SMIM22: variants seen among roughly 807,000 people sequenced by gnomAD.
SMIM22 encodes cancer associated small integral membrane open reading frame 1.
In SMIM22, 16 loss-of-function variants were observed where a neutral mutation model predicts 8.4. The ratio of observed to expected loss-of-function variants is 1.90; its 90% CI spans 1.29 to 2.89. The LOEUF (loss-of-function observed/expected upper bound fraction) is 2.89, where lower values mean the gene tolerates loss of function less well. SMIM22 is among the 30% of genes most tolerant of loss of function. The probability of loss-of-function intolerance (pLI) is 0.00; values close to 1 mark genes in which losing one functional copy is unlikely to be tolerated. For synonymous variants in SMIM22, 67 were observed against 47.6 expected (o/e 1.41, Z -1.68); for missense variants, 159 against 107.5 (o/e 1.48, Z -2.12).
At chr16:4,788,764 C>G (rs1259391529) in exon 2 of SMIM22, 2 of 152,222 alleles carry the variant, frequency 1.3e-5, no homozygotes, top group African/African-American at 2.4e-5. Flanking sequence ...ATAATCAAGC[C>G]CTGTGAAGTA....
chr16:4,793,975 A>G (rs1469601945), upstream of SMIM22, among the ~76,000 whole-genome samples: 1 of 151,890 alleles, frequency 6.6e-6, no homozygotes, highest in Non-Finnish European at 1.5e-5. Context: ...TTGCTCTGTC[A>G]CCCAGGCGGG....
chr16:4,794,700 G>A (rs370112202), upstream of SMIM22, among the ~76,000 whole-genome samples: 9 of 152,174 alleles, frequency 5.9e-5, no homozygotes, highest in South Asian at 8.3e-4. Flanking sequence ...GATTACAGGC[G>A]TGAGCCACTG....
rs1401061193 is a variant in SMIM22, at chr16:4,795,715, G to C, written c.-20G>C. 1.3e-6 allele frequency: 2 copies of C among 1,534,664 alleles called. No homozygotes were observed. The highest frequency in any genetic ancestry group is 8.7e-7 in the Non-Finnish European group (1 of 1,146,512). ...TGCAGCCTCTGGGGGACCGGGGCAG[G>C]TGGCACGGTGCACGCCAAGATGGCT... On this transcript the variant is annotated splice_region_variant and 5_prime_UTR_variant, in exon 2 of 4. Transcript: ENST00000586005.
upstream of SMIM22, among the ~76,000 whole-genome samples, chr16:4,791,165 G>A (rs1369131678): frequency 2.0e-5 from 3 of 152,234 alleles, no homozygotes; most frequent in African/African-American, 4.8e-5. Context: ...TCTGAAAATC[G>A]TGGCGGTGAG....
chr16:4,796,033 G>A lies in SMIM22; in HGVS notation c.210G>A (p.Lys70=), dbSNP rs1398009446. ...GGCCCCGCAGGGAAAGCCCCAGGAA[G>A]GTGAGCCCCTGGAAGGTGAGCCCTG... ...SPGPRRESPR[K]VSPWKERPKG... The change falls in exon 3 of 4, where the codon AAG becomes AAA. Residue 70 remains lysine (K), a synonymous_variant. Coordinates refer to ENST00000586005, the MANE Select transcript of SMIM22 (RefSeq NM_001253794.2). 8 of 1,527,566 alleles carry A rather than the reference G, an allele frequency of 5.2e-6. No homozygotes were observed. Among genetic ancestry groups the A allele is most frequent in the Non-Finnish European group, 4.4e-6 (5 of 1,141,734 alleles). The allele number at this position is 1,527,566 out of a possible 1,614,324, so 94.6% of individuals were successfully genotyped here.
chr16:4,795,872 T>C lies in SMIM22; in HGVS notation c.124+14T>C, dbSNP rs1324640160. ...TCACCTTCATGGGTAAGTGTGGCTGTGGCCTCTGGGTCCTCCCAGCCCCCT... is the reference window on the plus strand; with the variant it reads ...TCACCTTCATGGGTAAGTGTGGCTGCGGCCTCTGGGTCCTCCCAGCCCCCT... On this transcript the variant is annotated intron_variant, in intron 2 of 3. Transcript: ENST00000586005. 3 of 1,535,424 alleles carry C rather than the reference T, an allele frequency of 2.0e-6. No individual in the cohort carries two copies. Among genetic ancestry groups the C allele is most frequent in the Non-Finnish European group, 2.6e-6 (3 of 1,146,580 alleles).
chr16:4,790,096 T>C (rs1008532164), intron 2 of SMIM22: 1 of 151,906 alleles, frequency 6.6e-6, no homozygotes, highest in Admixed American at 6.6e-5. Flanking sequence ...TTACTTTTTG[T>C]AGAGATGAGG....
intron 2 of SMIM22, among the ~76,000 whole-genome samples, chr16:4,789,485 C>T (rs1281376553): frequency 3.9e-5 from 6 of 151,952 alleles, no homozygotes; most frequent in African/African-American, 1.5e-4. Context: ...GCCACCACGC[C>T]CGGCTAATTT....
At chr16:4,792,218 T>C (rs1011270851), upstream of SMIM22, among the ~76,000 whole-genome samples, 8 of 150,586 alleles carry the variant, frequency 5.3e-5, no homozygotes, top group Admixed American at 6.6e-5. Context: ...TGAGACAGAG[T>C]CTCGCTCTGT....
chr16:4,791,461 T>C (rs1024998210), upstream of SMIM22, among the ~76,000 whole-genome samples: 19 of 152,108 alleles, frequency 1.2e-4, no homozygotes, highest in African/African-American at 4.6e-4. Flanking sequence ...GTTCATTTCA[T>C]CCTCACGACA....
upstream of SMIM22, among the ~76,000 whole-genome samples, chr16:4,793,003 G>C (rs1359018193): frequency 1.3e-5 from 2 of 151,380 alleles, no homozygotes; most frequent in African/African-American, 4.9e-5. Context: ...CAGCTACTCA[G>C]GAGGCTGAGG....
At chr16:4,793,920 G>C (rs936088822), upstream of SMIM22, among the ~76,000 whole-genome samples, 2 of 151,966 alleles carry the variant, frequency 1.3e-5, no homozygotes, top group Non-Finnish European at 2.9e-5. Context: ...GGGATTACAG[G>C]AGTATGCCAC....
rs1472610324 is a variant in SMIM22, at chr16:4,796,230, G to A, written c.266G>A (p.Ter89=). 1.3e-6 allele frequency: 2 copies of A among 1,535,668 alleles called. No homozygotes were observed. Among genetic ancestry groups the A allele is most frequent in the East Asian group, 2.4e-5 (1 of 40,928 alleles). ...GTGGATAACTTGGCCCTGGAACCCT[G>A]ACCCTGTGTCTCCTGCCCGGTGGCA... ...KGVDNLALEP[*] The change falls in exon 4 of 4, where the codon TGA becomes TAA. Residue 89 remains the stop codon, a stop_retained_variant. Transcript: ENST00000586005.
At chr16:4,791,211 C>T (rs1340717229), upstream of SMIM22, among the ~76,000 whole-genome samples, 1 of 152,138 alleles carries the variant, frequency 6.6e-6, no homozygotes, top group Admixed American at 6.6e-5. Context: ...AGGGACTGCA[C>T]CATGTAAGTG....
upstream of SMIM22, among the ~76,000 whole-genome samples, chr16:4,792,357 AT>A (rs1192030287): frequency 6.6e-6 from 1 of 151,122 alleles, no homozygotes; most frequent in Non-Finnish European, 1.5e-5. Context: ...CGCCCGGCTA[AT>A]TTTTTGTATT....
chr16:4,795,599 T>TA, intron 1 of SMIM22, 116 bp from the exon 2 acceptor site: 1 of 1,198,654 alleles, frequency 8.3e-7, no homozygotes, highest in Non-Finnish European at 1.1e-6. Flanking sequence ...TGGGAGGGGG[T>TA]GGGGAAGCTG....
At chr16:4,794,879 G>C (rs550018753), upstream of SMIM22, 1 of 152,226 alleles carries the variant, frequency 6.6e-6, no homozygotes, top group African/African-American at 2.4e-5. Context: ...AGTATTATAA[G>C]TAATCCAGAG....
upstream of SMIM22, among the ~76,000 whole-genome samples, chr16:4,790,442 C>G (rs966721471): frequency 6.6e-6 from 1 of 152,202 alleles, no homozygotes; most frequent in African/African-American, 2.4e-5. Context: ...TCTGCCAGTT[C>G]TTCCTTCTGG....
intron 2 of SMIM22, among the ~76,000 whole-genome samples, chr16:4,789,203 G>C (rs183308345): frequency 6.6e-6 from 1 of 152,044 alleles, no homozygotes; most frequent in South Asian, 2.1e-4. Flanking sequence ...GTAGAGAAGG[G>C]GTTTCACCAC....
Sources: gnomAD v4.1 joint callset for allele counts (sites outside exome capture counted in the v4.1 genomes callset) on GRCh38, gnomAD v4.1.1 for gene constraint, MANE v1.5 for transcripts, NCBI Gene and HGNC (gene_info 2026-07-23, HGNC 2026-07-21) for gene names.